The following ANKS4B variants were observed in gnomAD, a reference collection of about 807,000 sequenced individuals.
The protein encoded by ANKS4B is ankyrin repeat and SAM domain-containing protein 4B.
A neutral mutation model predicts 20.2 loss-of-function variants in ANKS4B; 21 were observed. That is an observed-to-expected ratio of 1.04 (90% confidence interval 0.74 to 1.50). ANKS4B has a LOEUF of 1.50. Among genes scored for constraint, ANKS4B ranks in the 40% most tolerant of loss-of-function variants. The pLI is 0.00. For synonymous variants in ANKS4B, 179 were observed against 194.5 expected (o/e 0.92, Z 0.66); for missense variants, 473 against 494.6 (o/e 0.96, Z 0.41).
rs2093340304 is a variant in ANKS4B, at chr16:21,252,131, C to G, written c.*1311C>G. 6.6e-6 allele frequency: 1 copy of G among 152,198 alleles called. No homozygotes were observed. The highest frequency in any genetic ancestry group is 1.5e-5 in the Non-Finnish European group (1 of 68,148). The allele number at this position is 152,198 out of a possible 1,614,324, so 9.4% of individuals were successfully genotyped here. ...TATTTTTAGTAGAGGCGGGGTTTCA[C>G]CATGTTGGCCAGGCTGGTCTCAAAC... is the stretch of plus-strand genomic sequence containing the variant. On this transcript the variant is annotated 3_prime_UTR_variant, in exon 2 of 2. Coordinates refer to ENST00000311620, the MANE Select transcript of ANKS4B (RefSeq NM_145865.3).
At chr16:21,235,677 A>C (rs2093319521) in intron 1 of ANKS4B, among the ~76,000 whole-genome samples, 1 of 152,200 alleles carries the variant, frequency 6.6e-6, no homozygotes, top group Non-Finnish European at 1.5e-5. Context: ...GGGCAGATAA[A>C]GGAAAAGGAG....
chr16:21,244,479 T>A (rs894177662), intron 1 of ANKS4B, among the ~76,000 whole-genome samples: 1 of 152,138 alleles, frequency 6.6e-6, no homozygotes, highest in African/African-American at 2.4e-5. Flanking sequence ...GTCTTAAGCA[T>A]ATACATTTAA....
Position 21,250,394 on chromosome 16 carries a change from T to C in ANKS4B, c.828T>C (p.Phe276=), listed in dbSNP as rs779447867. The change falls in exon 2 of 2, where the codon TTT becomes TTC. Residue 276 remains phenylalanine, a synonymous_variant. Transcript: ENST00000311620. ...LNRPGLGSIV[F]RRNRISSPED... is the part of the protein sequence containing the mutation. ...GTCCAGGTCTAGGAAGTATTGTTTT[T>C]AGAAGGAACAGGATATCGAGTCCTG... 5.0e-6 allele frequency: 8 copies of C among 1,614,118 alleles called. No homozygotes were observed. The African/African-American group carries it at 9.3e-5, about 19-fold the overall frequency.
At chr16:21,238,171 AAAAACAAAAC>A (rs545340663) in intron 1 of ANKS4B, among the ~76,000 whole-genome samples, 2 of 152,198 alleles carry the variant, frequency 1.3e-5, no homozygotes, top group East Asian at 1.9e-4. Flanking sequence ...CTCTGTCTCA[AAAAACAAAAC>A]AAAACAAAAC....
At chr16:21,243,359 T>C (rs762459914) in intron 1 of ANKS4B, among the ~76,000 whole-genome samples, 6 of 152,318 alleles carry the variant, frequency 3.9e-5, no homozygotes, top group African/African-American at 9.6e-5. Flanking sequence ...ACGAAAACCG[T>C]AGAGCATCAA....
At position 21,250,585 on chromosome 16, in the gene ANKS4B, A is replaced by G. The variant is rs749182920; in HGVS notation, c.1019A>G (p.Glu340Gly). ...PWDDDEVEWE[E>G]DVVDATPLEV... ...GATGACGATGAAGTGGAGTGGGAGGAAGATGTGGTCGATGCCACGCCCCTG... is the reference window on the plus strand; with the variant it reads ...GATGACGATGAAGTGGAGTGGGAGGGAGATGTGGTCGATGCCACGCCCCTG... The change falls in exon 2 of 2, where the codon GAA (glutamate) becomes GGA (glycine). Residue 340 changes from glutamate to glycine, a missense_variant. Transcript: ENST00000311620. The G allele has an allele frequency of 6.2e-7, 1 of 1,614,018 alleles. No individual in the cohort carries two copies. Among genetic ancestry groups the G allele is most frequent in the Non-Finnish European group, 8.5e-7 (1 of 1,179,948 alleles).
intron 1 of ANKS4B, among the ~76,000 whole-genome samples, chr16:21,236,392 A>G (rs2093320300): frequency 6.6e-6 from 1 of 152,144 alleles, no homozygotes; most frequent in Non-Finnish European, 1.5e-5. Context: ...CACAGATCCA[A>G]ACTGTATCAA....
Position 21,252,685 on chromosome 16 carries a change from TACTGTTGTCTGTC to T in ANKS4B, c.*1868_*1880del. The T allele has an allele frequency of 6.6e-6, 1 of 152,242 alleles. No homozygotes were observed. The highest frequency in any genetic ancestry group is 2.1e-4 in the South Asian group (1 of 4,830). The allele number at this position is 152,242 out of a possible 1,614,324, so 9.4% of individuals were successfully genotyped here. A position where few individuals can be genotyped will look rare whatever the true frequency, so the allele number is the denominator to read the frequency against. On this transcript the variant is annotated 3_prime_UTR_variant, in exon 2 of 2. Coordinates refer to ENST00000311620, the MANE Select transcript of ANKS4B (RefSeq NM_145865.3). The stretch of plus-strand genomic sequence containing the variant: ...GCTTATTATGTACACATGGTTTATT[TACTGTTGTCTGTC>T]ACCATTGCCGCATATCTGAATATGT...
Position 21,250,550 on chromosome 16 carries a change from T to C in ANKS4B, c.984T>C (p.Asp328=). 6.2e-7 allele frequency: 1 copy of C among 1,614,160 alleles called. No homozygotes were observed. Among genetic ancestry groups the C allele is most frequent in the Non-Finnish European group, 8.5e-7 (1 of 1,180,026 alleles). Residue 328 remains aspartate, a synonymous_variant, in exon 2 of 2, where the codon GAT becomes GAC. Transcript: ENST00000311620. ...EEGEENGLKD[D]LPWDDDEVEW... ...GAGAGGAAAACGGCCTCAAAGATGA[T>C]CTGCCGTGGGATGACGATGAAGTGG...
chr16:21,248,636 A>G (rs1176953026), intron 1 of ANKS4B, among the ~76,000 whole-genome samples: 1 of 152,050 alleles, frequency 6.6e-6, no homozygotes, highest in Non-Finnish European at 1.5e-5. Context: ...AGGCTGAGGC[A>G]GGAGAATCGC....
chr16:21,235,779 C>T (rs2093319621), intron 1 of ANKS4B, among the ~76,000 whole-genome samples: 1 of 152,152 alleles, frequency 6.6e-6, no homozygotes, highest in African/African-American at 2.4e-5. Flanking sequence ...GGGAGAGTTC[C>T]TGAGTTGAAG....
intron 1 of ANKS4B, among the ~76,000 whole-genome samples, chr16:21,234,413 T>A (rs1043892609): frequency 6.6e-6 from 1 of 151,890 alleles, no homozygotes; most frequent in African/African-American, 2.4e-5. Flanking sequence ...CTCTTTTGAA[T>A]GGAGTTGCTG....
At position 21,242,411 on chromosome 16, in the gene ANKS4B, C is replaced by G. The variant is rs374107505; in HGVS notation, c.165-7320C>G. On this transcript the variant is annotated intron_variant, in intron 1 of 1. Transcript: ENST00000311620. Reference sequence around the variant, plus strand: ...CCATGGTGGCCAGGATGGTTTCAATCTCTTGACCTCGTGATCTGCCCACCT... The same window carrying G: ...CCATGGTGGCCAGGATGGTTTCAATGTCTTGACCTCGTGATCTGCCCACCT... Among the ~76,000 whole-genome samples the G allele has an allele frequency of 1.6e-4, 24 of 152,334 alleles. No individual in the cohort carries two copies. In the East Asian group the frequency reaches 3.1e-3, roughly 20 times the overall value.
intron 1 of ANKS4B, among the ~76,000 whole-genome samples, chr16:21,240,732 C>T (rs1341758973): frequency 6.6e-6 from 1 of 151,386 alleles, no homozygotes; most frequent in Non-Finnish European, 1.5e-5. Flanking sequence ...TATCATGGAC[C>T]ATTTGCACTT....
chr16:21,241,412 G>GTGTT (rs745328722), intron 1 of ANKS4B, among the ~76,000 whole-genome samples: 8 of 152,080 alleles, frequency 5.3e-5, no homozygotes, highest in South Asian at 2.1e-4. Flanking sequence ...CTGTTTTATG[G>GTGTT]TGTTTGTTTG....
In ANKS4B at chr16:21,250,687, T is replaced by C; in HGVS notation, c.1121T>C (p.Leu374Pro). 1.2e-6 allele frequency: 2 copies of C among 1,613,656 alleles called. No homozygotes were observed. Among genetic ancestry groups the C allele is most frequent in the Non-Finnish European group, 1.7e-6 (2 of 1,179,506 alleles). ...FKREQIDLEA[L>P]LLCSDEDLQS... ...AGAGAGCAGATTGATCTAGAAGCTC[T>C]GCTGCTCTGCTCTGATGAGGACCTT... is the stretch of plus-strand genomic sequence containing the variant. The change falls in exon 2 of 2, where the codon CTG becomes CCG. Residue 374 changes from leucine to proline, a missense_variant. Physicochemically the swap from Leu to Pro is moderately conservative, Grantham distance 98. Transcript: ENST00000311620.
intron 1 of ANKS4B, 102 bp from the exon 2 acceptor site, chr16:21,249,629 A>G: frequency 1.5e-6 from 2 of 1,298,524 alleles, no homozygotes; most frequent in South Asian, 3.0e-5. Flanking sequence ...ACATGTTTGT[A>G]TTAACGTGCC....
At chr16:21,236,899 C>A (rs1463714403) in intron 1 of ANKS4B, among the ~76,000 whole-genome samples, 2 of 152,168 alleles carry the variant, frequency 1.3e-5, no homozygotes, top group East Asian at 3.8e-4. Flanking sequence ...ATTTCAGGGA[C>A]TTTGTAGGAC....
Position 21,250,982 on chromosome 16 carries a change from G to A in ANKS4B, c.*162G>A, listed in dbSNP as rs1567228059. On this transcript the variant is annotated 3_prime_UTR_variant, in exon 2 of 2. Transcript: ENST00000311620. ...ACCCAAACTTTACTCTGGGAGGTAG[G>A]CTATGCCCATCCAAATAAATCTCCA... 4.3e-6 allele frequency: 4 copies of A among 933,370 alleles called. No homozygotes were observed. The highest frequency in any genetic ancestry group is 2.6e-5 in the East Asian group (1 of 38,082). The allele number at this position is 933,370 out of a possible 1,614,324, so 57.8% of individuals were successfully genotyped here.
Sources: allele counts gnomAD v4.1 joint callset (sites outside exome capture counted in the v4.1 genomes callset), GRCh38; gene constraint gnomAD v4.1.1; transcripts MANE v1.5; gene names NCBI Gene and HGNC (gene_info 2026-07-23, HGNC 2026-07-21).